The following PLS1 variants were observed in gnomAD, a reference collection of about 807,000 sequenced individuals.
PLS1 encodes plastin-1.
Under a neutral mutation model 73.7 loss-of-function variants are expected in PLS1, and 32 were observed. That is an observed-to-expected ratio of 0.43 (90% CI 0.33 to 0.58). PLS1 has a LOEUF of 0.58. Ranked by LOEUF, PLS1 falls within the 20% of genes least tolerant of loss-of-function variation. The pLI is 0.04. For synonymous variants in PLS1, 217 were observed against 261.3 expected (o/e 0.83, Z 1.63); for missense variants, 633 against 740.5 (o/e 0.85, Z 1.68).
chr3:142,637,365 G>C (rs945393445), intron 1 of PLS1, among the ~76,000 whole-genome samples: 1 of 152,180 alleles, frequency 6.6e-6, no homozygotes, highest in Non-Finnish European at 1.5e-5. Flanking sequence ...ATCAGTGGTT[G>C]TCTAGGAACA....
chr3:142,707,261 G>T (rs2038481248), intron 14 of PLS1, among the ~76,000 whole-genome samples: 1 of 152,156 alleles, frequency 6.6e-6, no homozygotes, highest in South Asian at 2.1e-4. Flanking sequence ...ATGTTTGAAG[G>T]CTATAATAAG....
intron 10 of PLS1, among the ~76,000 whole-genome samples, chr3:142,692,886 A>G (rs1185506260): frequency 6.6e-6 from 1 of 152,080 alleles, no homozygotes; most frequent in Non-Finnish European, 1.5e-5. Flanking sequence ...CTGAGAGGTA[A>G]ATCCAAATCA....
At chr3:142,707,240 C>T (rs953162392) in intron 14 of PLS1, among the ~76,000 whole-genome samples, 1 of 152,142 alleles carries the variant, frequency 6.6e-6, no homozygotes, top group African/African-American at 2.4e-5. Flanking sequence ...TTTCCAACTA[C>T]AGAAGGCATT....
At chr3:142,664,355 C>A in intron 2 of PLS1, 48 bp downstream of exon 2, 1 of 951,406 alleles carries the variant, frequency 1.1e-6, no homozygotes, top group Non-Finnish European at 1.7e-6. Flanking sequence ...TGCTTGATGT[C>A]AGACTTCAGG....
chr3:142,657,494 TTTTG>T (rs2037266118), intron 1 of PLS1, among the ~76,000 whole-genome samples: 2 of 152,228 alleles, frequency 1.3e-5, no homozygotes, highest in African/African-American at 2.4e-5. Flanking sequence ...TTTTGTTTTG[TTTTG>T]TTTGTTTGAG....
intron 1 of PLS1, among the ~76,000 whole-genome samples, chr3:142,658,262 C>G (rs1379833071): frequency 6.6e-6 from 1 of 152,022 alleles, no homozygotes; most frequent in Admixed American, 6.6e-5. Context: ...CACTTGAGGT[C>G]AGGAGTTAGA....
intron 1 of PLS1, among the ~76,000 whole-genome samples, chr3:142,613,334 G>T (rs1003762127): frequency 6.6e-6 from 1 of 151,930 alleles, no homozygotes; most frequent in African/African-American, 2.4e-5. Flanking sequence ...ACAAAAATTA[G>T]CCAGCTGTGG....
intron 14 of PLS1, among the ~76,000 whole-genome samples, chr3:142,706,905 G>A (rs1375428544): frequency 6.6e-6 from 1 of 152,122 alleles, no homozygotes; most frequent in Non-Finnish European, 1.5e-5. Flanking sequence ...TGGAAAAGGT[G>A]ATGAGTTCAG....
intron 10 of PLS1, among the ~76,000 whole-genome samples, chr3:142,690,765 A>G (rs2038069126): frequency 1.3e-5 from 2 of 152,244 alleles, no homozygotes; most frequent in African/African-American, 4.8e-5. Context: ...GAATCATAAT[A>G]ACAAAACATT....
At chr3:142,668,377 G>A (rs949451475) in intron 2 of PLS1, among the ~76,000 whole-genome samples, 6 of 152,102 alleles carry the variant, frequency 3.9e-5, no homozygotes, top group African/African-American at 4.8e-5. Flanking sequence ...TTCAGCATAC[G>A]TAATGGTATC....
At chr3:142,648,475 G>A (rs1289028914) in intron 1 of PLS1, among the ~76,000 whole-genome samples, 1 of 152,128 alleles carries the variant, frequency 6.6e-6, no homozygotes, top group African/African-American at 2.4e-5. Context: ...GTTGCGGGAG[G>A]CATCAGTTTT....
At chr3:142,657,391 C>T (rs1314274906) in intron 1 of PLS1, among the ~76,000 whole-genome samples, 1 of 152,186 alleles carries the variant, frequency 6.6e-6, no homozygotes, top group Admixed American at 6.5e-5. Flanking sequence ...ATGCTTCTTC[C>T]CAAAGACTGA....
chr3:142,666,999 G>A (rs947782936), intron 2 of PLS1, among the ~76,000 whole-genome samples: 9 of 152,100 alleles, frequency 5.9e-5, no homozygotes, highest in Non-Finnish European at 8.8e-5. Flanking sequence ...TGTTGTTGTC[G>A]AGTTGTAAGA....
chr3:142,600,945 A>C, intron 1 of PLS1, among the ~76,000 whole-genome samples: 1 of 33,088 alleles, frequency 3.0e-5, no homozygotes, highest in Non-Finnish European at 5.2e-5. Context: ...TTTTTTTGAG[A>C]CGGAGTCTCG....
chr3:142,645,103 G>C (rs545985940), intron 1 of PLS1, among the ~76,000 whole-genome samples: 1 of 152,246 alleles, frequency 6.6e-6, no homozygotes, highest in African/African-American at 2.4e-5. Flanking sequence ...TTATTAATTA[G>C]TTGTATTCTT....
chr3:142,630,161 C>A (rs1237113750), intron 1 of PLS1, among the ~76,000 whole-genome samples: 1 of 152,174 alleles, frequency 6.6e-6, no homozygotes, highest in African/African-American at 2.4e-5. Flanking sequence ...GTGGCTCACA[C>A]CTGTAATCCC....
chr3:142,662,972 G>A (rs576144748), intron 1 of PLS1, among the ~76,000 whole-genome samples: 27 of 152,254 alleles, frequency 1.8e-4, no homozygotes, highest in African/African-American at 6.3e-4. Flanking sequence ...CACGTTGGGC[G>A]GCTGAGGTGG....
At chr3:142,665,744 T>G (rs2107831540) in intron 2 of PLS1, among the ~76,000 whole-genome samples, 1 of 152,306 alleles carries the variant, frequency 6.6e-6, no homozygotes, top group East Asian at 1.9e-4. Context: ...AACATATTAA[T>G]ATAATCTTGC....
intron 1 of PLS1, among the ~76,000 whole-genome samples, chr3:142,628,471 T>TTTACATTTATTCTCATTTACA (rs371630304): frequency 0.017 from 2,599 of 152,270 alleles, 80 homozygotes; most frequent in African/African-American, 0.059. Context: ...ATTTTACATA[T>TTTACATTTATTCTCATTTACA]TAGGAAACAG....
Sources: allele counts gnomAD v4.1 joint callset (sites outside exome capture counted in the v4.1 genomes callset), GRCh38; gene constraint gnomAD v4.1.1; transcripts MANE v1.5; gene names NCBI Gene and HGNC (gene_info 2026-07-23, HGNC 2026-07-21).